KCNQ3: variants seen among roughly 807,000 people sequenced by gnomAD.
KCNQ3 encodes potassium voltage-gated channel subfamily Q member 3.
KCNQ3 carries 30 observed loss-of-function variants against 92.5 expected under a neutral mutation model. The ratio of observed to expected loss-of-function variants is 0.32; its 90% CI spans 0.24 to 0.44. The LOEUF is 0.44. KCNQ3 is among the 20% of genes least tolerant of loss of function. KCNQ3 has a pLI of 1.00. For synonymous variants in KCNQ3, 450 were observed against 468.8 expected, an observed-to-expected ratio of 0.96 and a Z score of 0.52; for missense variants, 913 against 1,140.3, an observed-to-expected ratio of 0.80 and a Z score of 2.87.
intron 1 of KCNQ3, among the ~76,000 whole-genome samples, chr8:132,299,149 G>C (rs1011963425): frequency 2.8e-5 from 4 of 140,432 alleles, no homozygotes; most frequent in African/African-American, 1.1e-4. Context: ...TAATTTTTGT[G>C]AGCACATAGT....
intron 14 of KCNQ3, among the ~76,000 whole-genome samples, chr8:132,131,045 C>T (rs1824862739): frequency 6.6e-6 from 1 of 152,150 alleles, no homozygotes; most frequent in African/African-American, 2.4e-5. Context: ...CTGACTCTGT[C>T]TTATGCACTT....
rs1491403659 is a variant in KCNQ3, at chr8:132,125,843, A to AAAGT, written c.*3415_*3418dup. ...AGCCTAAATTTCCAGTTCTAAAAAC[A>AAAGT]AAGTTATTCAACAACACTTTCTCAA... is the stretch of plus-strand genomic sequence containing the variant. On this transcript the variant is annotated 3_prime_UTR_variant, in exon 15 of 15. Transcript: ENST00000388996. The AAAGT allele has an allele frequency of 6.6e-6, 1 of 152,220 alleles. No individual in the cohort carries two copies. The highest frequency in any genetic ancestry group is 2.4e-5 in the African/African-American group (1 of 41,466). The allele number at this position is 152,220 out of a possible 1,614,324, so 9.4% of individuals were successfully genotyped here.
chr8:132,365,764 T>C (rs1819303904), intron 1 of KCNQ3, among the ~76,000 whole-genome samples: 1 of 152,208 alleles, frequency 6.6e-6, no homozygotes, highest in South Asian at 2.1e-4. Flanking sequence ...GCGCAGTGGC[T>C]CACACCTGTA....
chr8:132,302,639 T>C (rs1334989434), intron 1 of KCNQ3, among the ~76,000 whole-genome samples: 6 of 152,302 alleles, frequency 3.9e-5, no homozygotes, highest in African/African-American at 1.4e-4. Flanking sequence ...CCTGAAAGGG[T>C]TGACCCCAAA....
At chr8:132,201,205 G>C (rs1827447842) in intron 1 of KCNQ3, among the ~76,000 whole-genome samples, 4 of 152,156 alleles carry the variant, frequency 2.6e-5, no homozygotes, top group Admixed American at 2.6e-4. Flanking sequence ...CAACACTGTT[G>C]CATTGGGGAT....
intron 1 of KCNQ3, among the ~76,000 whole-genome samples, chr8:132,428,332 CT>C (rs1015435892): frequency 6.6e-6 from 1 of 152,188 alleles, no homozygotes; most frequent in Admixed American, 6.5e-5. Flanking sequence ...CATGAAATGC[CT>C]GCTGTAGCCA....
At chr8:132,296,429 G>A (rs1350726932) in intron 1 of KCNQ3, among the ~76,000 whole-genome samples, 2 of 152,008 alleles carry the variant, frequency 1.3e-5, no homozygotes, top group South Asian at 2.1e-4. Flanking sequence ...TAGGGTACAT[G>A]TGCACAATGT....
At chr8:132,143,306 A>G (rs1053588402) in intron 9 of KCNQ3, among the ~76,000 whole-genome samples, 3 of 152,114 alleles carry the variant, frequency 2.0e-5, no homozygotes, top group African/African-American at 7.2e-5. Context: ...TGGGCTAAAA[A>G]TAGTGAATGA....
Position 132,180,637 on chromosome 8 carries a change from T to C in KCNQ3, c.605-308A>G, listed in dbSNP as rs551742529. Among the ~76,000 whole-genome samples the C allele has an allele frequency of 7.2e-5, 11 of 152,244 alleles. No individual in the cohort carries two copies. The South Asian group carries it at 2.3e-3, about 32-fold the overall frequency. ...CAATTTACCAAGGCCCCCCGCAGTG[T>C]GGTCCTTGAGATTCACTCTGGGGCC... is the stretch of plus-strand genomic sequence containing the variant. On this transcript the variant is annotated intron_variant, in intron 3 of 14. Transcript: ENST00000388996.
chr8:132,136,167 G>GAATT (rs983621749), intron 12 of KCNQ3, among the ~76,000 whole-genome samples: 9 of 140,896 alleles, frequency 6.4e-5, no homozygotes, highest in Non-Finnish European at 1.2e-4. Flanking sequence ...AGGCCATGGA[G>GAATT]AATTACACCT....
intron 1 of KCNQ3, among the ~76,000 whole-genome samples, chr8:132,374,741 T>A (rs1819565261): frequency 6.6e-6 from 1 of 152,200 alleles, no homozygotes; most frequent in Non-Finnish European, 1.5e-5. Flanking sequence ...CGTTTTCTCA[T>A]CATTTAGCTC....
At chr8:132,344,194 C>A (rs551266308) in intron 1 of KCNQ3, among the ~76,000 whole-genome samples, 1 of 152,338 alleles carries the variant, frequency 6.6e-6, no homozygotes, top group Non-Finnish European at 1.5e-5. Flanking sequence ...GAAATCTCCA[C>A]AACTTACAGA....
chr8:132,389,488 A>G (rs925080519), intron 1 of KCNQ3, among the ~76,000 whole-genome samples: 6 of 152,210 alleles, frequency 3.9e-5, no homozygotes, highest in Admixed American at 2.0e-4. Context: ...AATAACAACA[A>G]AAACATCAAT....
intron 1 of KCNQ3, among the ~76,000 whole-genome samples, chr8:132,366,647 T>C (rs1290158454): frequency 6.6e-6 from 1 of 152,218 alleles, no homozygotes; most frequent in Non-Finnish European, 1.5e-5. Flanking sequence ...GTATCAATTA[T>C]AATTTAACTA....
chr8:132,230,090 T>C (rs1056148558), intron 1 of KCNQ3, among the ~76,000 whole-genome samples: 2 of 152,166 alleles, frequency 1.3e-5, no homozygotes, highest in Non-Finnish European at 2.9e-5. Context: ...CTCAGGGCCA[T>C]GTTGGATCTA....
intron 1 of KCNQ3, among the ~76,000 whole-genome samples, chr8:132,252,675 C>A (rs1032517228): frequency 1.3e-5 from 2 of 152,190 alleles, no homozygotes; most frequent in Non-Finnish European, 2.9e-5. Context: ...CTGATTGGCC[C>A]ATTTACAATC....
chr8:132,439,261 G>T (rs934916040), intron 1 of KCNQ3, among the ~76,000 whole-genome samples: 22 of 151,802 alleles, frequency 1.4e-4, no homozygotes, highest in African/African-American at 4.4e-4. Context: ...ATTCATCCCA[G>T]CAAACCTTTT....
intron 1 of KCNQ3, among the ~76,000 whole-genome samples, chr8:132,437,095 C>G (rs1225804881): frequency 6.6e-6 from 1 of 151,442 alleles, no homozygotes; most frequent in African/African-American, 2.4e-5. Flanking sequence ...CTGGCTAACA[C>G]GGTGAAACCC....
At position 132,199,865 on chromosome 8, in the gene KCNQ3, G is replaced by A. The variant is rs554813317; in HGVS notation, c.387-13684C>T. Among the ~76,000 whole-genome samples, 115 of 150,618 alleles carry A rather than the reference G, an allele frequency of 7.6e-4. 1 individual carries two copies. Among genetic ancestry groups the A allele is most frequent in the South Asian group, 5.5e-3 (26 of 4,752 alleles). ...GCTGAGGTTGGAGTGAGCCGAGATC[G>A]TGCCACTGCACTCCAGCCTGGGTGA... On this transcript the variant is annotated intron_variant, in intron 1 of 14. Coordinates refer to ENST00000388996, the MANE Select transcript of KCNQ3 (RefSeq NM_004519.4).
Sources: allele counts gnomAD v4.1 joint callset (sites outside exome capture counted in the v4.1 genomes callset), GRCh38; gene constraint gnomAD v4.1.1; transcripts MANE v1.5; gene names NCBI Gene and HGNC (gene_info 2026-07-23, HGNC 2026-07-21).